Variants in TAC4 observed in about 807,000 individuals in gnomAD.
TAC4 encodes tachykinin-4.
TAC4 carries 17 observed loss-of-function variants against 17.7 expected under a neutral mutation model. That is an observed-to-expected ratio of 0.96 (90% CI 0.66 to 1.44). The LOEUF is 1.44. Ranked by LOEUF, TAC4 falls within the 40% of genes most tolerant of loss-of-function variation. TAC4 has a pLI of 0.00. For synonymous variants in TAC4, 62 were observed against 52.4 expected (o/e 1.18, Z -0.79); for missense variants, 118 against 125.6 (o/e 0.94, Z 0.29).
chr17:49,847,292 C>T (rs188977489), intron 1 of TAC4: 49 of 1,267,384 alleles, frequency 3.9e-5, no homozygotes, highest in African/African-American at 7.6e-5. Context: ...GATTAGGGAA[C>T]GCCTGAGGTC....
Position 49,838,558 on chromosome 17 carries a change from A to G in TAC4, c.*84T>C. ...TGAGGACAGGAGACACAGAGAAGAG[A>G]GTTGGCCTGCCGGCTTGTCAGCTGT... On this transcript the variant is annotated 3_prime_UTR_variant, in exon 5 of 5. Coordinates refer to ENST00000436235, the MANE Select transcript of TAC4 (RefSeq NM_001077506.2). The G allele has an allele frequency of 1.3e-6, 2 of 1,543,296 alleles. No individual in the cohort carries two copies. The highest frequency in any genetic ancestry group is 1.8e-6 in the Non-Finnish European group (2 of 1,116,906).
chr17:49,844,010 G>GCAGAACCCACT, intron 2 of TAC4, 54 bp downstream of exon 2: 2 of 1,547,282 alleles, frequency 1.3e-6, no homozygotes, highest in South Asian at 2.2e-5. Flanking sequence ...GCTTTATGTT[G>GCAGAACCCACT]CAGAACCCAC....
chr17:49,846,749 G>C (rs1032980755), intron 1 of TAC4, among the ~76,000 whole-genome samples: 1 of 152,170 alleles, frequency 6.6e-6, no homozygotes, highest in African/African-American at 2.4e-5. Flanking sequence ...GGTGCTTTTG[G>C]GAAACAGTCC....
chr17:49,847,409 C>A (rs1319651138), intron 1 of TAC4: 4 of 582,078 alleles, frequency 6.9e-6, no homozygotes, highest in Admixed American at 7.5e-5. Context: ...TAAGTTGATC[C>A]CCTTGAAAGA....
chr17:49,842,060 C>T (rs925631362), intron 2 of TAC4, among the ~76,000 whole-genome samples: 2 of 151,438 alleles, frequency 1.3e-5, no homozygotes, highest in Admixed American at 6.6e-5. Context: ...CCCGCCACCA[C>T]GCCCGGCTAA....
At chr17:49,845,484 GCTC>G (rs560776437) in intron 1 of TAC4, among the ~76,000 whole-genome samples, 1 of 152,326 alleles carries the variant, frequency 6.6e-6, no homozygotes, top group East Asian at 1.9e-4. Context: ...TGTATCCCCA[GCTC>G]CTGGCACTGA....
chr17:49,840,002 A>AGGGCCG, intron 3 of TAC4, 93 bp from the exon 4 acceptor site: 2 of 1,263,284 alleles, frequency 1.6e-6, no homozygotes, highest in Non-Finnish European at 1.1e-6. Flanking sequence ...GGCCAGGGCG[A>AGGGCCG]GGGCCGGGGC....
rs112615257 is a variant in TAC4, at chr17:49,838,899, C to G, written c.293-226G>C. 9.1e-3 allele frequency among the ~76,000 whole-genome samples: 1,382 copies of G among 152,226 alleles called. 25 individuals carry two copies. Among genetic ancestry groups the G allele is most frequent in the African/African-American group, 0.032 (1,311 of 41,518 alleles). ...GATGGAGCCCACCCTCAGTTACCCT[C>G]TTTAAAGGTGGGGAAGGCTATCCAA... On this transcript the variant is annotated intron_variant, in intron 4 of 4. Coordinates refer to ENST00000436235, the MANE Select transcript of TAC4 (RefSeq NM_001077506.2).
chr17:49,838,563 G>T lies in TAC4; in HGVS notation c.*79C>A. The T allele has an allele frequency of 6.4e-7, 1 of 1,571,400 alleles. No individual in the cohort carries two copies. Among genetic ancestry groups the T allele is most frequent in the Non-Finnish European group, 8.8e-7 (1 of 1,142,032 alleles). ...ACAGGAGACACAGAGAAGAGAGTTG[G>T]CCTGCCGGCTTGTCAGCTGTGACAT... On this transcript the variant is annotated 3_prime_UTR_variant, in exon 5 of 5. Transcript: ENST00000436235.
intron 4 of TAC4, among the ~76,000 whole-genome samples, chr17:49,839,626 T>C (rs1005815507): frequency 6.6e-6 from 1 of 151,894 alleles, no homozygotes; most frequent in Non-Finnish European, 1.5e-5. Context: ...GGGCAGAGTG[T>C]GCCTGGGTGT....
intron 3 of TAC4, among the ~76,000 whole-genome samples, chr17:49,841,314 C>A (rs1018089931): frequency 6.9e-6 from 1 of 144,680 alleles, no homozygotes; most frequent in Non-Finnish European, 1.5e-5. Flanking sequence ...GCTGGTCGAA[C>A]TAGATCCATC....
chr17:49,847,821 G>A, intron 1 of TAC4, 92 bp downstream of exon 1: 1 of 1,600,990 alleles, frequency 6.2e-7, no homozygotes, highest in Non-Finnish European at 8.5e-7. Flanking sequence ...TCTCCCAGCA[G>A]CCATGCAGGG....
In TAC4 at chr17:49,838,434, C is replaced by T. The variant is rs186504023; in HGVS notation, c.*208G>A. On this transcript the variant is annotated 3_prime_UTR_variant, in exon 5 of 5. Transcript: ENST00000436235. ...AGGGCAGAGTCAGTGCAGCTTGCTA[C>T]GGCGAAGCTGTGCATTTATGCAGGA... 15 of 651,506 alleles carry T rather than the reference C, an allele frequency of 2.3e-5. No homozygotes were observed. Among genetic ancestry groups the T allele is most frequent in the African/African-American group, 3.7e-5 (2 of 54,218 alleles). The allele number at this position is 651,506 out of a possible 1,614,324, so 40.4% of individuals were successfully genotyped here. A position where few individuals can be genotyped will look rare whatever the true frequency, so the allele number is the denominator to read the frequency against.
chr17:49,847,208 G>A (rs1181418952), intron 1 of TAC4: 10 of 1,290,062 alleles, frequency 7.8e-6, no homozygotes, highest in Middle Eastern at 2.1e-4. Context: ...CTGCCCCCCT[G>A]GAAGCCTTCC....
chr17:49,847,204 C>T (rs1363984491), intron 1 of TAC4: 1 of 1,290,212 alleles, frequency 7.8e-7, no homozygotes, highest in Non-Finnish European at 1.0e-6. Context: ...CTGTCTGCCC[C>T]CCTGGAAGCC....
In TAC4 at chr17:49,848,054, C is replaced by T. The variant is rs763055086; in HGVS notation, c.-37G>A. 6.2e-7 allele frequency: 1 copy of T among 1,610,990 alleles called. No individual in the cohort carries two copies. Among genetic ancestry groups the T allele is most frequent in the South Asian group, 1.1e-5 (1 of 90,872 alleles). ...ACTGTCCTGGAATCTCTGGGAGCCC[C>T]TCTCAGCTTGAAGATGCCTCCTGCA... is the stretch of plus-strand genomic sequence containing the variant. On this transcript the variant is annotated 5_prime_UTR_variant, in exon 1 of 5. Coordinates refer to ENST00000436235, the MANE Select transcript of TAC4 (RefSeq NM_001077506.2).
At chr17:49,846,345 C>A in intron 1 of TAC4, 1 of 755,362 alleles carries the variant, frequency 1.3e-6, no homozygotes, top group Non-Finnish European at 1.9e-6. Context: ...AGCACAAGCA[C>A]GACTCACTGC....
intron 1 of TAC4, chr17:49,847,169 G>C: frequency 7.8e-7 from 1 of 1,290,072 alleles, no homozygotes; most frequent in Non-Finnish European, 1.0e-6. Context: ...TCCTGGGAAT[G>C]GGAGGAGTCA....
rs749816133 is a variant in TAC4 at position 49,844,115 on chromosome 17, TCAC to T, written c.145_147del (p.Val49del). On this transcript the variant is annotated inframe_deletion, in exon 2 of 5. Coordinates refer to ENST00000436235, the MANE Select transcript of TAC4 (RefSeq NM_001077506.2). ...AAGAACTGGCTTGCCTTGCCCGTCT[TCAC>T]CTCCTGCAGCTGGAGCTGAATGCTG... The T allele has an allele frequency of 1.2e-5, 20 of 1,613,982 alleles. No individual in the cohort carries two copies. In the Admixed American group the frequency reaches 1.8e-4, roughly 15 times the overall value.
Sources: gnomAD v4.1 joint callset for allele counts (sites outside exome capture counted in the v4.1 genomes callset) on GRCh38, gnomAD v4.1.1 for gene constraint, MANE v1.5 for transcripts, NCBI Gene and HGNC (gene_info 2026-07-23, HGNC 2026-07-21) for gene names.